EIF4EBP1: variants seen among roughly 807,000 people sequenced by gnomAD.
EIF4EBP1 encodes the protein eukaryotic translation initiation factor 4E-binding protein 1.
Under a neutral mutation model 9.2 loss-of-function variants are expected in EIF4EBP1, and 5 were observed. The observed-to-expected ratio is 0.54, with a 90% confidence interval of 0.28 to 1.14. The LOEUF (loss-of-function observed/expected upper bound fraction) is 1.14. Among genes scored for constraint, EIF4EBP1 ranks in the 50% most tolerant of loss-of-function variants. The pLI is 0.09. For missense variants in EIF4EBP1, 139 were observed against 169.6 expected (o/e 0.82, Z 1.00); for synonymous variants, 62 against 67.0 (o/e 0.93, Z 0.36).
chr8:38,045,749 A>T (rs565347483), intron 1 of EIF4EBP1, among the ~76,000 whole-genome samples: 1 of 152,138 alleles, frequency 6.6e-6, no homozygotes, highest in African/African-American at 2.4e-5. Context: ...ATATTTCCTT[A>T]CTTTTTTTAG....
At chr8:38,040,264 A>C (rs967457741) in intron 1 of EIF4EBP1, among the ~76,000 whole-genome samples, 1 of 152,178 alleles carries the variant, frequency 6.6e-6, no homozygotes, top group Admixed American at 6.5e-5. Context: ...ACCTGTTTGC[A>C]TCCAGCATTG....
At chr8:38,044,670 C>T (rs1194162109) in intron 1 of EIF4EBP1, among the ~76,000 whole-genome samples, 1 of 152,156 alleles carries the variant, frequency 6.6e-6, no homozygotes, top group Non-Finnish European at 1.5e-5. Context: ...AAACTCCTGG[C>T]CTCAAGCAAT....
intron 1 of EIF4EBP1, among the ~76,000 whole-genome samples, chr8:38,053,523 G>A (rs1258628270): frequency 1.3e-5 from 2 of 152,164 alleles, no homozygotes; most frequent in Non-Finnish European, 2.9e-5. Context: ...GCTAATTTTT[G>A]TATTTTTGGT....
chr8:38,043,367 CTTT>C (rs60303823), intron 1 of EIF4EBP1, among the ~76,000 whole-genome samples: 4 of 139,576 alleles, frequency 2.9e-5, no homozygotes, highest in African/African-American at 5.3e-5. Flanking sequence ...TTTTCTTTTT[CTTT>C]TTTTTTTTTT....
chr8:38,052,526 C>G (rs1809539506), intron 1 of EIF4EBP1, among the ~76,000 whole-genome samples: 1 of 152,090 alleles, frequency 6.6e-6, no homozygotes, highest in African/African-American at 2.4e-5. Flanking sequence ...GTCAGGAACT[C>G]AAGACCTGCC....
chr8:38,054,825 C>T (rs1809574376), intron 1 of EIF4EBP1, among the ~76,000 whole-genome samples: 1 of 152,218 alleles, frequency 6.6e-6, no homozygotes, highest in Non-Finnish European at 1.5e-5. Context: ...GTAATCTGGG[C>T]TCATAGGCAC....
intron 1 of EIF4EBP1, among the ~76,000 whole-genome samples, chr8:38,031,195 TCTGA>T (rs1174911231): frequency 3.3e-5 from 5 of 152,316 alleles, no homozygotes; most frequent in Middle Eastern, 3.4e-3. Context: ...ACTCGCGCGC[TCTGA>T]CTGAGGTTCG....
chr8:38,049,607 G>A (rs935038392), intron 1 of EIF4EBP1, among the ~76,000 whole-genome samples: 1 of 150,650 alleles, frequency 6.6e-6, no homozygotes, highest in African/African-American at 2.4e-5. Context: ...TCAGCCTCCC[G>A]AGTAGCTGGG....
At chr8:38,030,875 C>T (rs1809207429) in intron 1 of EIF4EBP1, among the ~76,000 whole-genome samples, 157 bp downstream of exon 1, 1 of 152,216 alleles carries the variant, frequency 6.6e-6, no homozygotes, top group Non-Finnish European at 1.5e-5. Context: ...GAAGTGGCCG[C>T]CCGCTTCCCC....
chr8:38,032,977 A>C (rs917230752), intron 1 of EIF4EBP1, among the ~76,000 whole-genome samples: 1 of 151,790 alleles, frequency 6.6e-6, no homozygotes, highest in Admixed American at 6.6e-5. Flanking sequence ...GCTTGAGGAT[A>C]ACTGGGGGCT....
chr8:38,043,316 G>A (rs576263980), intron 1 of EIF4EBP1, among the ~76,000 whole-genome samples: 2 of 151,336 alleles, frequency 1.3e-5, no homozygotes, highest in African/African-American at 2.4e-5. Context: ...CAGCTATTTT[G>A]TTCTGAAAGT....
intron 1 of EIF4EBP1, among the ~76,000 whole-genome samples, chr8:38,042,785 C>T (rs750130177): frequency 2.6e-5 from 4 of 152,142 alleles, no homozygotes; most frequent in Non-Finnish European, 5.9e-5. Context: ...GGGGGCAGGC[C>T]GAGCATGGTG....
At chr8:38,051,662 G>A (rs550547144) in intron 1 of EIF4EBP1, among the ~76,000 whole-genome samples, 20 of 151,722 alleles carry the variant, frequency 1.3e-4, no homozygotes, top group African/African-American at 4.4e-4. Flanking sequence ...GCAGTGGCAC[G>A]ATCTCGGCTC....
chr8:38,043,712 C>T (rs1809414450), intron 1 of EIF4EBP1, among the ~76,000 whole-genome samples: 2 of 152,024 alleles, frequency 1.3e-5, no homozygotes, highest in South Asian at 2.1e-4. Context: ...GAGAGGCTGC[C>T]GATCGTCCCC....
At chr8:38,051,889 G>A (rs1030328348) in intron 1 of EIF4EBP1, among the ~76,000 whole-genome samples, 5 of 152,046 alleles carry the variant, frequency 3.3e-5, no homozygotes, top group South Asian at 2.1e-4. Context: ...GAGCCACTGC[G>A]CCCAGCCTGT....
chr8:38,057,228 T>TGGAA lies in EIF4EBP1; in HGVS notation c.294_295insGAAG (p.Arg99GlufsTer4). On this transcript the variant is annotated frameshift_variant, in exon 2 of 3. Transcript: ENST00000338825. LOFTEE classifies it high-confidence loss of function. ...CCCATGGAAGCCAGCCAGAGCCACC[T>TGGAA]GCGCAATAGCCCAGAAGATAAGCGG... 1 of 1,613,938 alleles carries TGGAA rather than the reference T, an allele frequency of 6.2e-7. No individual in the cohort carries two copies. The highest frequency in any genetic ancestry group is 8.5e-7 in the Non-Finnish European group (1 of 1,179,866).
At chr8:38,037,362 G>A (rs2130381438) in intron 1 of EIF4EBP1, among the ~76,000 whole-genome samples, 1 of 152,024 alleles carries the variant, frequency 6.6e-6, no homozygotes, top group East Asian at 1.9e-4. Context: ...TGTCGCCCAG[G>A]CTGGAGTGCA....
chr8:38,047,956 A>T (rs1449829195), intron 1 of EIF4EBP1, among the ~76,000 whole-genome samples: 2 of 152,120 alleles, frequency 1.3e-5, no homozygotes, highest in East Asian at 1.9e-4. Flanking sequence ...GGATCACTTG[A>T]GCCCAGAAGT....
In EIF4EBP1 at chr8:38,035,086, C is replaced by T. The variant is rs189246271; in HGVS notation, c.145+4368C>T. On this transcript the variant is annotated intron_variant, in intron 1 of 2. Coordinates refer to ENST00000338825, the MANE Select transcript of EIF4EBP1 (RefSeq NM_004095.4). ...CCTGAGCAACATAGTGAGACTCTGT[C>T]GGTATAAATTAAATAAATAAAATTT... is the stretch of plus-strand genomic sequence containing the variant. Among the ~76,000 whole-genome samples the T allele has an allele frequency of 2.1e-3, 327 of 152,154 alleles. 2 individuals carry two copies. The highest frequency in any genetic ancestry group is 6.8e-3 in the Middle Eastern group (2 of 294).
Sources: gnomAD v4.1 joint callset for allele counts (sites outside exome capture counted in the v4.1 genomes callset) on GRCh38, gnomAD v4.1.1 for gene constraint, MANE v1.5 for transcripts, NCBI Gene and HGNC (gene_info 2026-07-23, HGNC 2026-07-21) for gene names.